PTPRM: variants seen among roughly 807,000 people sequenced by gnomAD.
PTPRM encodes receptor-type tyrosine-protein phosphatase mu.
Under a neutral mutation model 186.7 loss-of-function variants are expected in PTPRM, and 47 were observed. That is an observed-to-expected ratio of 0.25 (90% confidence interval 0.20 to 0.32). The LOEUF is 0.32. PTPRM is among the 10% of genes least tolerant of loss of function. The probability of loss-of-function intolerance (pLI) is 1.00; values close to 1 mark genes in which losing one functional copy is unlikely to be tolerated. For missense variants in PTPRM, 1,494 were observed against 1,865.0 expected (o/e 0.80, Z 3.66); for synonymous variants, 668 against 674.9 (o/e 0.99, Z 0.16).
chr18:7,962,490 A>G (rs1480756572), intron 7 of PTPRM, among the ~76,000 whole-genome samples: 2 of 152,176 alleles, frequency 1.3e-5, no homozygotes, highest in East Asian at 3.9e-4. Flanking sequence ...AAATGTCACT[A>G]GATTTAGGTT....
chr18:8,087,945 CATA>C (rs1375707946), intron 10 of PTPRM, among the ~76,000 whole-genome samples: 3 of 152,114 alleles, frequency 2.0e-5, no homozygotes, highest in Non-Finnish European at 4.4e-5. Flanking sequence ...CTGTTGCTAT[CATA>C]ATAAGACTTA....
At chr18:8,080,014 G>T (rs1158643628) in intron 9 of PTPRM, among the ~76,000 whole-genome samples, 3 of 152,122 alleles carry the variant, frequency 2.0e-5, no homozygotes, top group Non-Finnish European at 4.4e-5. Flanking sequence ...TAAGTATATG[G>T]TAAAGTACCT....
intron 3 of PTPRM, among the ~76,000 whole-genome samples, chr18:7,894,535 G>A (rs908976462): frequency 5.3e-5 from 8 of 151,978 alleles, no homozygotes; most frequent in East Asian, 1.9e-4. Flanking sequence ...GCAGTGAGCC[G>A]AGATTGCGCC....
At chr18:8,317,206 A>T (rs962897325) in intron 21 of PTPRM, among the ~76,000 whole-genome samples, 3 of 152,116 alleles carry the variant, frequency 2.0e-5, no homozygotes, top group African/African-American at 7.2e-5. Context: ...GAGAGGTGGC[A>T]GTGGAGGTGA....
Position 7,796,985 on chromosome 18 carries a change from A to C in PTPRM, c.196+22714A>C, listed in dbSNP as rs574606319. On this transcript the variant is annotated intron_variant, in intron 2 of 32. Coordinates refer to ENST00000580170, the MANE Select transcript of PTPRM (RefSeq NM_001105244.2). ...TATTTCACATCTGTGACACGTATGCAGTGGCTGCATCACCATTGGGGGTCA... is the reference window on the plus strand; with the variant it reads ...TATTTCACATCTGTGACACGTATGCCGTGGCTGCATCACCATTGGGGGTCA... Among the ~76,000 whole-genome samples the C allele has an allele frequency of 3.3e-5, 5 of 152,322 alleles. No homozygotes were observed. The East Asian group carries it at 9.6e-4, about 29-fold the overall frequency.
intron 2 of PTPRM, among the ~76,000 whole-genome samples, chr18:7,811,460 T>G (rs2044511077): frequency 5.3e-5 from 8 of 152,206 alleles, no homozygotes; most frequent in Admixed American, 5.2e-4. Context: ...GGGGCTCAAG[T>G]GGTCCTCCCA....
At chr18:8,388,699 C>A (rs1332814444) in intron 31 of PTPRM, among the ~76,000 whole-genome samples, 2 of 152,166 alleles carry the variant, frequency 1.3e-5, no homozygotes, top group Non-Finnish European at 2.9e-5. Flanking sequence ...CAGTGGCTCA[C>A]GCCTGTAATC....
At chr18:7,755,534 G>A (rs1413328530) in intron 1 of PTPRM, among the ~76,000 whole-genome samples, 2 of 152,108 alleles carry the variant, frequency 1.3e-5, no homozygotes. Flanking sequence ...ATTTGGGTCC[G>A]AAGCAAAAAT....
At chr18:8,062,287 G>A (rs1385533606) in intron 7 of PTPRM, among the ~76,000 whole-genome samples, 6 of 64,278 alleles carry the variant, frequency 9.3e-5, no homozygotes, top group East Asian at 2.7e-4. Flanking sequence ...CGTAGTTCTC[G>A]AGCCTTGGTT....
intron 29 of PTPRM, 54 bp downstream of exon 29, chr18:8,380,481 T>G (rs1367901997): frequency 1.2e-6 from 2 of 1,603,996 alleles, no homozygotes; most frequent in African/African-American, 2.7e-5. Flanking sequence ...CAAGTTTGTT[T>G]TTACACTGAG....
At chr18:8,182,397 G>A (rs988659368) in intron 14 of PTPRM, among the ~76,000 whole-genome samples, 2 of 152,068 alleles carry the variant, frequency 1.3e-5, no homozygotes, top group Non-Finnish European at 2.9e-5. Flanking sequence ...TATATCTCAT[G>A]TATTTTGAAA....
At chr18:8,332,926 A>G (rs769229611) in intron 22 of PTPRM, among the ~76,000 whole-genome samples, 1 of 152,264 alleles carries the variant, frequency 6.6e-6, no homozygotes, top group Non-Finnish European at 1.5e-5. Context: ...CCAGTGGACC[A>G]GTGAACACTT....
chr18:7,639,159 C>T (rs867581897), intron 1 of PTPRM, among the ~76,000 whole-genome samples: 33 of 152,286 alleles, frequency 2.2e-4, no homozygotes, highest in African/African-American at 7.2e-4. Context: ...ACTGCAAGCT[C>T]CACCTCCAGG....
At chr18:8,377,991 C>G (rs2095707431) in intron 26 of PTPRM, 1 of 301,354 alleles carries the variant, frequency 3.3e-6, no homozygotes, top group Non-Finnish European at 6.1e-6. Context: ...TACTGAGTTC[C>G]AAGTGAGTAG....
chr18:8,306,651 T>C (rs1318444447), intron 20 of PTPRM, among the ~76,000 whole-genome samples: 1 of 152,230 alleles, frequency 6.6e-6, no homozygotes, highest in Non-Finnish European at 1.5e-5. Flanking sequence ...ATCTTATGCC[T>C]AGGCAGTTGA....
At position 7,668,192 on chromosome 18, in the gene PTPRM, G is replaced by A. The variant is rs1440080960; in HGVS notation, c.73+100301G>A. Among the ~76,000 whole-genome samples the A allele has an allele frequency of 6.6e-6, 1 of 152,170 alleles. No homozygotes were observed. The highest frequency in any genetic ancestry group is 1.5e-5 in the Non-Finnish European group (1 of 68,036). On this transcript the variant is annotated intron_variant, in intron 1 of 32. Coordinates refer to ENST00000580170, the MANE Select transcript of PTPRM (RefSeq NM_001105244.2). The surrounding 1 kb of genome is among the most constrained non-coding windows in gnomAD (Gnocchi z 4.7). ...TCCTTCTTCAAAGGGTGTGCATGGT[G>A]AGGAGCTGCACCACGGTGGTGCCCG...
At chr18:7,626,554 C>G (rs995143332) in intron 1 of PTPRM, among the ~76,000 whole-genome samples, 2 of 152,158 alleles carry the variant, frequency 1.3e-5, no homozygotes, top group Non-Finnish European at 2.9e-5. Context: ...GACCCTCTCC[C>G]CTCTCCCAGC....
chr18:8,162,489 G>T (rs994617768), intron 14 of PTPRM, among the ~76,000 whole-genome samples: 1 of 152,132 alleles, frequency 6.6e-6, no homozygotes, highest in Non-Finnish European at 1.5e-5. Flanking sequence ...GGAATGGGTG[G>T]CCCTGGCTGT....
chr18:7,576,019 T>C (rs1440661865), intron 1 of PTPRM, among the ~76,000 whole-genome samples: 1 of 152,096 alleles, frequency 6.6e-6, no homozygotes, highest in African/African-American at 2.4e-5. Context: ...GAAATGACCT[T>C]GCAAGCTAAA....
Sources: gnomAD v4.1 joint callset for allele counts (sites outside exome capture counted in the v4.1 genomes callset) on GRCh38, gnomAD v4.1.1 for gene constraint, Gnocchi (gnomAD v3.1) non-coding constraint, MANE v1.5 for transcripts, NCBI Gene and HGNC (gene_info 2026-07-23, HGNC 2026-07-21) for gene names.